Variants in SOCS2 observed in about 807,000 individuals in gnomAD.
SOCS2 encodes suppressor of cytokine signaling 2.
Under a neutral mutation model 18.6 loss-of-function variants are expected in SOCS2, and 10 were observed. The observed-to-expected ratio is 0.54, with a 90% CI of 0.33 to 0.91. The LOEUF (loss-of-function observed/expected upper bound fraction) is 0.91, where lower values mean the gene tolerates loss of function less well. Among genes scored for constraint, SOCS2 ranks in the 40% least tolerant of loss-of-function variants. The pLI is 0.02. For synonymous variants in SOCS2, 104 were observed against 104.0 expected, an observed-to-expected ratio of 1.00 and a Z score of 0.00; for missense variants, 231 against 247.2, an observed-to-expected ratio of 0.93 and a Z score of 0.44.
chr12:93,616,412 C>A, the SOCS2 span, among the ~76,000 whole-genome samples: 1 of 152,172 alleles, frequency 6.6e-6, no homozygotes, highest in Non-Finnish European at 1.5e-5. Flanking sequence ...CCTGATACAA[C>A]CATGCCTGAC....
chr12:93,571,703 C>T (rs1954258705), upstream of SOCS2: 5 of 287,646 alleles, frequency 1.7e-5, no homozygotes, highest in South Asian at 1.2e-4. Context: ...CCTCTGCGCA[C>T]GGAACTCCGA....
the SOCS2 span, among the ~76,000 whole-genome samples, chr12:93,624,084 C>T: frequency 6.6e-6 from 1 of 152,180 alleles, no homozygotes; most frequent in African/African-American, 2.4e-5. Context: ...GAGTGAAAGC[C>T]TCATGAATGG....
chr12:93,591,315 T>G, the SOCS2 span, among the ~76,000 whole-genome samples: 3 of 150,840 alleles, frequency 2.0e-5, no homozygotes, highest in African/African-American at 7.3e-5. Context: ...GACTTGACCT[T>G]GATTTACATA....
At chr12:93,610,602 C>T in the SOCS2 span, among the ~76,000 whole-genome samples, 1 of 152,154 alleles carries the variant, frequency 6.6e-6, no homozygotes, top group Non-Finnish European at 1.5e-5. Flanking sequence ...GTGATTGAGT[C>T]ATGGGCACTC....
At chr12:93,601,555 C>T in the SOCS2 span, among the ~76,000 whole-genome samples, 28 of 152,060 alleles carry the variant, frequency 1.8e-4, no homozygotes, top group African/African-American at 4.6e-4. Context: ...GTGATCTGCC[C>T]GCCTCAGCCT....
At chr12:93,605,511 T>A in the SOCS2 span, among the ~76,000 whole-genome samples, 2 of 152,312 alleles carry the variant, frequency 1.3e-5, no homozygotes, top group African/African-American at 2.4e-5. Flanking sequence ...TAGTTGTTGA[T>A]CCCTGGAGAT....
Position 93,575,160 on chromosome 12 carries a change from A to C in SOCS2, c.578A>C (p.Glu193Ala). 6.5e-7 allele frequency: 1 copy of C among 1,547,808 alleles called. No homozygotes were observed. Among genetic ancestry groups the C allele is most frequent in the Non-Finnish European group, 8.7e-7 (1 of 1,151,936 alleles). Reference protein sequence around the residue: ...LPTRLKDYLEEYKFQV With the variant: ...LPTRLKDYLEAYKFQV ...ACAAGACTAAAAGATTACTTGGAAG[A>C]ATATAAATTCCAGGTATAAATGTTT... Residue 193 changes from glutamate to alanine, a missense_variant, in exon 2 of 2, where the codon GAA (glutamate) becomes GCA (alanine). Coordinates refer to ENST00000551556, the MANE Select transcript of SOCS2 (RefSeq NM_001270471.2).
the SOCS2 span, among the ~76,000 whole-genome samples, chr12:93,605,454 C>T: frequency 1.3e-5 from 2 of 152,028 alleles, no homozygotes; most frequent in African/African-American, 2.4e-5. Flanking sequence ...ACCTGTGAAG[C>T]CTTATTTTTA....
the SOCS2 span, among the ~76,000 whole-genome samples, chr12:93,622,730 G>A: frequency 6.6e-6 from 1 of 152,078 alleles, no homozygotes; most frequent in Admixed American, 6.5e-5. Flanking sequence ...TAAGAGGGAT[G>A]AGGCAAGGGG....
exon 2 of SOCS2, chr12:93,583,412 G>A (rs1481123430): frequency 6.6e-6 from 1 of 151,994 alleles, no homozygotes; most frequent in Admixed American, 6.6e-5. Flanking sequence ...AAAAAGTAAA[G>A]GAAACAAAAA....
At chr12:93,610,858 TTC>T in the SOCS2 span, among the ~76,000 whole-genome samples, 1 of 152,194 alleles carries the variant, frequency 6.6e-6, no homozygotes, top group African/African-American at 2.4e-5. Context: ...AGCAATGAAT[TTC>T]TGTTGTTTCT....
the SOCS2 span, among the ~76,000 whole-genome samples, chr12:93,588,915 C>G: frequency 6.6e-6 from 1 of 152,186 alleles, no homozygotes; most frequent in South Asian, 2.1e-4. Context: ...AGCCACCGCG[C>G]CTGGCCTGAC....
the SOCS2 span, among the ~76,000 whole-genome samples, chr12:93,605,357 A>C: frequency 6.6e-6 from 1 of 152,216 alleles, no homozygotes; most frequent in Non-Finnish European, 1.5e-5. Context: ...TTAAGACATA[A>C]ATACACAATG....
At chr12:93,607,481 A>G in the SOCS2 span, among the ~76,000 whole-genome samples, 13 of 151,024 alleles carry the variant, frequency 8.6e-5, no homozygotes. Context: ...AAAAGGATAC[A>G]CCCCAGGAAG....
chr12:93,610,640 G>A, the SOCS2 span, among the ~76,000 whole-genome samples: 10 of 152,262 alleles, frequency 6.6e-5, no homozygotes, highest in Admixed American at 2.6e-4. Flanking sequence ...CAGTACTCTC[G>A]TAGAAGAGGT....
At chr12:93,573,247 G>A in intron 1 of SOCS2, 1 of 635,360 alleles carries the variant, frequency 1.6e-6, no homozygotes, top group Non-Finnish European at 2.7e-6. Flanking sequence ...GCGGAGCGCA[G>A]AGCGCGGGAA....
chr12:93,613,971 T>A, the SOCS2 span, among the ~76,000 whole-genome samples: 1 of 152,216 alleles, frequency 6.6e-6, no homozygotes, highest in Non-Finnish European at 1.5e-5. Flanking sequence ...AAAGGTTTTT[T>A]AATTATTCCT....
At chr12:93,614,536 C>CTTTCTCTCTTTCT in the SOCS2 span, among the ~76,000 whole-genome samples, 1 of 60,944 alleles carries the variant, frequency 1.6e-5, no homozygotes, top group East Asian at 7.1e-4. Context: ...TCCTTCCTTC[C>CTTTCTCTCTTTCT]TTCCTTCTTT....
chr12:93,624,509 T>C, the SOCS2 span, among the ~76,000 whole-genome samples: 1 of 151,466 alleles, frequency 6.6e-6, no homozygotes, highest in African/African-American at 2.4e-5. Context: ...GAGGCGGAGG[T>C]TGTAGTGAGC....
Sources: gnomAD v4.1 joint callset for allele counts (sites outside exome capture counted in the v4.1 genomes callset) on GRCh38, gnomAD v4.1.1 for gene constraint, MANE v1.5 for transcripts, NCBI Gene and HGNC (gene_info 2026-07-23, HGNC 2026-07-21) for gene names.